The following CXCL3 variants were observed in gnomAD, a reference collection of about 807,000 sequenced individuals.
CXCL3 encodes C-X-C motif chemokine 3.
In CXCL3, 10 loss-of-function variants were observed where a neutral mutation model predicts 11.5. The ratio of observed to expected loss-of-function variants is 0.87; its 90% CI spans 0.54 to 1.48. The LOEUF (loss-of-function observed/expected upper bound fraction) is 1.48. Ranked by LOEUF, CXCL3 falls within the 40% of genes most tolerant of loss-of-function variation. The pLI, the probability that CXCL3 is intolerant of heterozygous loss-of-function variation, is 0.00. For missense variants in CXCL3, 149 were observed against 139.1 expected (o/e 1.07, Z -0.36); for synonymous variants, 61 against 60.9 (o/e 1.00, Z -0.01).
At position 74,037,142 on chromosome 4, in the gene CXCL3, C is replaced by G. The variant is rs1253253008; in HGVS notation, c.*120G>C. On this transcript the variant is annotated 3_prime_UTR_variant, in exon 4 of 4. Transcript: ENST00000296026. Reference sequence around the variant, plus strand: ...TAAGAAATAGTCAAACACATTAAGTCCTTTCCAGCTGTCCCTAGAAAGCTG... The same window carrying G: ...TAAGAAATAGTCAAACACATTAAGTGCTTTCCAGCTGTCCCTAGAAAGCTG... 3.8e-6 allele frequency: 4 copies of G among 1,050,492 alleles called. No individual in the cohort carries two copies. The East Asian group carries it at 7.1e-5, about 19-fold the overall frequency. 65.1% of individuals were successfully genotyped at this position (1,050,492 alleles called of 1,614,324 possible). A position where few individuals can be genotyped will look rare whatever the true frequency, so the allele number is the denominator to read the frequency against.
In CXCL3 at chr4:74,038,562, C is replaced by A. The variant is rs1313005912; in HGVS notation, c.50G>T (p.Arg17Leu). 6.7e-6 allele frequency: 10 copies of A among 1,490,478 alleles called. No homozygotes were observed. The highest frequency in any genetic ancestry group is 5.9e-5 in the African/African-American group (4 of 68,368). The allele number at this position is 1,490,478 out of a possible 1,614,324, so 92.3% of individuals were successfully genotyped here. A position where few individuals can be genotyped will look rare whatever the true frequency, so the allele number is the denominator to read the frequency against. ...CAGGAGCAGGAGCAGCAGCGCCACC[C>A]GCAGGAGCCGGGGATTGCTGGGGGC... ...SAAPSNPRLL[R>L]VALLLLLLVA... The change falls in exon 1 of 4, where the codon CGG becomes CTG. Residue 17 changes from arginine to leucine, a missense_variant. By Grantham distance (102) the Arg-to-Leu change is moderately radical (BLOSUM62 -2). Transcript: ENST00000296026.
chr4:74,037,361 C>A, intron 3 of CXCL3, 84 bp from the exon 4 acceptor site: 1 of 1,519,728 alleles, frequency 6.6e-7, no homozygotes, highest in South Asian at 1.1e-5. Context: ...GGGATGTCCC[C>A]ATGCAGACTC....
chr4:74,038,410 G>A lies in CXCL3; in HGVS notation c.104C>T (p.Ala35Val), dbSNP rs767580060. Reference sequence around the variant, plus strand: ...GCAGCGCAGTTCAGTGACCACGGACGCTCCTAGGGAAGAATAGACTCGCTG... The same window carrying A: ...GCAGCGCAGTTCAGTGACCACGGACACTCCTAGGGAAGAATAGACTCGCTG... The part of the protein sequence containing the change: ...LVAASRRAAG[A>V]SVVTELRCQC... Residue 35 changes from alanine to valine, a missense_variant, in exon 2 of 4, where the codon GCG becomes GTG. Transcript: ENST00000296026. 1.2e-6 allele frequency: 2 copies of A among 1,613,962 alleles called. No individual in the cohort carries two copies. The highest frequency in any genetic ancestry group is 2.2e-5 in the South Asian group (2 of 91,054).
chr4:74,038,100 G>A lies in CXCL3; in HGVS notation c.301C>T (p.Leu101=), dbSNP rs769062676. The A allele has an allele frequency of 1.9e-6, 3 of 1,614,068 alleles. No homozygotes were observed. The highest frequency in any genetic ancestry group is 2.5e-6 in the Non-Finnish European group (3 of 1,179,974). Residue 101 remains leucine, a synonymous_variant, in exon 3 of 4, where the codon CTG becomes TTG. Transcript: ENST00000296026. ...PMVQKIIEKI[L]NKGSTN Reference sequence around the variant, plus strand: ...ATGGAAATTACAACTCACTTGTTCAGTATCTTTTCGATGATTTTCTGAACC... The same window carrying A: ...ATGGAAATTACAACTCACTTGTTCAATATCTTTTCGATGATTTTCTGAACC...
At position 74,038,331 on chromosome 4, in the gene CXCL3, A is replaced by G. The variant is rs376832730; in HGVS notation, c.183T>C (p.Asn61=). The G allele has an allele frequency of 9.9e-6, 16 of 1,614,030 alleles. No homozygotes were observed. The highest frequency in any genetic ancestry group is 4.0e-5 in the African/African-American group (3 of 74,930). Residue 61 remains asparagine (N), a synonymous_variant, in exon 2 of 4, where the codon AAT becomes AAC. Coordinates refer to ENST00000296026, the MANE Select transcript of CXCL3 (RefSeq NM_002090.3). ...GIHLKNIQSV[N]VRSPGPHCAQ... is the part of the protein sequence containing the mutation. Reference sequence around the variant, plus strand: ...CGCAGTGGGGTCCGGGGGACCTTACATTCACACTTTGGATGTTCTTGAGGT... The same window carrying G: ...CGCAGTGGGGTCCGGGGGACCTTACGTTCACACTTTGGATGTTCTTGAGGT...
chr4:74,037,924 C>G, intron 3 of CXCL3, 169 bp downstream of exon 3: 4 of 699,494 alleles, frequency 5.7e-6, no homozygotes, highest in Non-Finnish European at 9.6e-6. Context: ...CCTCTGGCAC[C>G]AGAGCAGATT....
Position 74,037,235 on chromosome 4 carries a change from G to A in CXCL3, c.*27C>T, listed in dbSNP as rs371129154. On this transcript the variant is annotated 3_prime_UTR_variant, in exon 4 of 4. Coordinates refer to ENST00000296026, the MANE Select transcript of CXCL3 (RefSeq NM_002090.3). ...ACCCTGCAGGAAGTGTCAATGATACGCTGATAAGCTTCTTACTTCTCTCCT... is the reference window on the plus strand; with the variant it reads ...ACCCTGCAGGAAGTGTCAATGATACACTGATAAGCTTCTTACTTCTCTCCT... 24 of 1,613,832 alleles carry A rather than the reference G, an allele frequency of 1.5e-5. No individual in the cohort carries two copies. Among genetic ancestry groups the A allele is most frequent in the Middle Eastern group, 1.6e-4 (1 of 6,062 alleles).
At chr4:74,037,960 G>T in intron 3 of CXCL3, 133 bp downstream of exon 3, 1 of 963,170 alleles carries the variant, frequency 1.0e-6, no homozygotes, top group Non-Finnish European at 1.6e-6. Flanking sequence ...AACTTTAATT[G>T]TGAAAATAAT....
In CXCL3 at chr4:74,038,159, C is replaced by T; in HGVS notation, c.242G>A (p.Gly81Glu). 6.2e-7 allele frequency: 1 copy of T among 1,613,998 alleles called. No homozygotes were observed. The highest frequency in any genetic ancestry group is 1.1e-5 in the South Asian group (1 of 91,060). ...TGCGGGGTTGAGACAAGCTTTCTTC[C>T]CATTCTTGAGTGTGGCTCTGCAGAG... ...QTEVIATLKNGKKACLNPASP... is the reference protein window; with the variant it reads ...QTEVIATLKNEKKACLNPASP... Residue 81 changes from glycine (G) to glutamate (E), a missense_variant, in exon 3 of 4, where the codon GGG becomes GAG. By Grantham distance (98) the Gly-to-Glu change is moderately conservative. Transcript: ENST00000296026.
rs752940632 is a variant in CXCL3, at chr4:74,038,275, C to G, written c.224+15G>C. ...GACCCCAGCGGTGGCAGCGGAAGCG[C>G]GGGGCGGGACTTACATGACTTCGGT... On this transcript the variant is annotated intron_variant, in intron 2 of 3. Coordinates refer to ENST00000296026, the MANE Select transcript of CXCL3 (RefSeq NM_002090.3). 1.2e-6 allele frequency: 2 copies of G among 1,613,582 alleles called. No individual in the cohort carries two copies. Among genetic ancestry groups the G allele is most frequent in the African/African-American group, 2.7e-5 (2 of 74,886 alleles).
rs927335185 is a variant in CXCL3, at chr4:74,038,159, C to A, written c.242G>T (p.Gly81Val). The A allele has an allele frequency of 1.2e-6, 2 of 1,613,880 alleles. No homozygotes were observed. Among genetic ancestry groups the A allele is most frequent in the African/African-American group, 2.7e-5 (2 of 74,896 alleles). ...TGCGGGGTTGAGACAAGCTTTCTTC[C>A]CATTCTTGAGTGTGGCTCTGCAGAG... is the stretch of plus-strand genomic sequence containing the variant. ...QTEVIATLKN[G>V]KKACLNPASP... Residue 81 changes from glycine (G) to valine (V), a missense_variant, in exon 3 of 4, where the codon GGG becomes GTG. Physicochemically the swap from Gly to Val is moderately radical, Grantham distance 109. Transcript: ENST00000296026.
rs1458759377 is a variant in CXCL3, at chr4:74,038,289, C to A, written c.224+1G>T. On this transcript the variant is annotated splice_donor_variant, in intron 2 of 3. Transcript: ENST00000296026. LOFTEE classifies it high-confidence loss of function. Reference sequence around the variant, plus strand: ...CAGCGGAAGCGCGGGGCGGGACTTACATGACTTCGGTTTGGGCGCAGTGGG... The same window carrying A: ...CAGCGGAAGCGCGGGGCGGGACTTAAATGACTTCGGTTTGGGCGCAGTGGG... 6.2e-7 allele frequency: 1 copy of A among 1,614,048 alleles called. No individual in the cohort carries two copies. The highest frequency in any genetic ancestry group is 8.5e-7 in the Non-Finnish European group (1 of 1,179,956).
In CXCL3 at chr4:74,038,628, G is replaced by T. The variant is rs910238744; in HGVS notation, c.-17C>A. The T allele has an allele frequency of 4.6e-5, 65 of 1,426,210 alleles. No individual in the cohort carries two copies. Among genetic ancestry groups the T allele is most frequent in the Non-Finnish European group, 5.9e-5 (65 of 1,096,988 alleles). 88.3% of individuals were successfully genotyped at this position (1,426,210 alleles called of 1,614,324 possible). A position where few individuals can be genotyped will look rare whatever the true frequency, so the allele number is the denominator to read the frequency against. On this transcript the variant is annotated 5_prime_UTR_variant, in exon 1 of 4. Transcript: ENST00000296026. ...GTGGGCCATGGGGCTCAGCAGACGC[G>T]TCGGGAAGCTGTGCGAGAAGCGGGA...
rs764311707 is a variant in CXCL3, at chr4:74,038,328, T to C, written c.186A>G (p.Val62=). 2.2e-5 allele frequency: 36 copies of C among 1,614,018 alleles called. No homozygotes were observed. Among genetic ancestry groups the C allele is most frequent in the Non-Finnish European group, 2.6e-5 (31 of 1,180,006 alleles). ...IHLKNIQSVN[V]RSPGPHCAQT... Reference sequence around the variant, plus strand: ...GGGCGCAGTGGGGTCCGGGGGACCTTACATTCACACTTTGGATGTTCTTGA... The same window carrying C: ...GGGCGCAGTGGGGTCCGGGGGACCTCACATTCACACTTTGGATGTTCTTGA... The change falls in exon 2 of 4, where the codon GTA becomes GTG. Residue 62 remains valine, a synonymous_variant. Coordinates refer to ENST00000296026, the MANE Select transcript of CXCL3 (RefSeq NM_002090.3).
At chr4:74,037,425 C>G in intron 3 of CXCL3, 148 bp from the exon 4 acceptor site, 1 of 622,142 alleles carries the variant, frequency 1.6e-6, no homozygotes, top group South Asian at 2.4e-5. Flanking sequence ...CCTTCTATAG[C>G]AGAAAACTTG....
chr4:74,037,563 TG>T (rs1336502987), intron 3 of CXCL3: 2 of 455,650 alleles, frequency 4.4e-6, no homozygotes, highest in Non-Finnish European at 4.0e-6. Context: ...TGTCCATTCA[TG>T]ATCTCCCTTA....
intron 3 of CXCL3, 91 bp from the exon 4 acceptor site, chr4:74,037,368 ACT>A: frequency 1.4e-6 from 2 of 1,468,656 alleles, no homozygotes; most frequent in Non-Finnish European, 1.9e-6. Flanking sequence ...CCCCATGCAG[ACT>A]CTCTCCCAGC....
Position 74,038,177 on chromosome 4 carries a change from C to T in CXCL3, c.225-1G>A. 1 of 1,614,064 alleles carries T rather than the reference C, an allele frequency of 6.2e-7. No homozygotes were observed. Among genetic ancestry groups the T allele is most frequent in the Non-Finnish European group, 8.5e-7 (1 of 1,180,006 alleles). ...TTTCTTCCCATTCTTGAGTGTGGCT[C>T]TGCAGAGAGAAGGGAATTCCGTGAG... On this transcript the variant is annotated splice_acceptor_variant, in intron 2 of 3. Transcript: ENST00000296026. LOFTEE classifies it high-confidence loss of function.
chr4:74,037,969 A>C, intron 3 of CXCL3, 124 bp downstream of exon 3: 1 of 1,008,908 alleles, frequency 9.9e-7, no homozygotes, highest in Admixed American at 2.6e-5. Flanking sequence ...TGTGAAAATA[A>C]TAATCACAAT....
Sources: allele counts gnomAD v4.1 joint callset, GRCh38; gene constraint gnomAD v4.1.1; transcripts MANE v1.5; gene names NCBI Gene and HGNC (gene_info 2026-07-23, HGNC 2026-07-21).